The following COP1 variants were observed in gnomAD, a reference collection of about 807,000 sequenced individuals.
COP1 encodes COP1 E3 ubiquitin ligase.
COP1 carries 24 observed loss-of-function variants against 101.3 expected under a neutral mutation model. The observed-to-expected ratio is 0.24, with a 90% CI of 0.17 to 0.33. COP1 has a LOEUF of 0.33. Ranked by LOEUF, COP1 falls within the 10% of genes least tolerant of loss-of-function variation. COP1 has a pLI of 1.00. For synonymous variants in COP1, 347 were observed against 341.9 expected (o/e 1.01, Z -0.17); for missense variants, 663 against 906.2 (o/e 0.73, Z 3.45).
intron 5 of COP1, among the ~76,000 whole-genome samples, chr1:176,153,343 C>G (rs576503742): frequency 6.6e-6 from 1 of 152,286 alleles, no homozygotes; most frequent in South Asian, 2.1e-4. Context: ...GTGGATGACT[C>G]TAAAGACTAG....
chr1:176,088,707 T>C (rs1178958247), intron 9 of COP1, among the ~76,000 whole-genome samples: 1 of 152,080 alleles, frequency 6.6e-6, no homozygotes, highest in African/African-American at 2.4e-5. Context: ...GTAAGAAATA[T>C]CTATTTGGCC....
At chr1:175,953,298 A>G (rs1237916805) in intron 18 of COP1, among the ~76,000 whole-genome samples, 13 of 151,980 alleles carry the variant, frequency 8.6e-5, no homozygotes, top group Admixed American at 8.5e-4. Context: ...CTCAAAAAAA[A>G]GAAAGGAAAT....
intron 1 of COP1, among the ~76,000 whole-genome samples, chr1:176,194,523 A>C (rs1397548325): frequency 2.0e-5 from 3 of 152,116 alleles, no homozygotes; most frequent in Non-Finnish European, 4.4e-5. Flanking sequence ...CTATAATCCC[A>C]GCTACTAGGG....
chr1:176,189,781 C>A (rs899762194), intron 1 of COP1, among the ~76,000 whole-genome samples: 2 of 150,412 alleles, frequency 1.3e-5, no homozygotes, highest in Non-Finnish European at 3.0e-5. Context: ...TGAAAGCAAG[C>A]CAGAAAAATA....
intron 8 of COP1, among the ~76,000 whole-genome samples, chr1:176,124,985 T>C (rs961982276): frequency 6.6e-5 from 10 of 152,222 alleles, no homozygotes; most frequent in Non-Finnish European, 4.4e-5. Context: ...TGATATTTCA[T>C]TGTAGTTGTG....
At chr1:175,979,161 T>C (rs1019418557) in intron 18 of COP1, among the ~76,000 whole-genome samples, 5 of 152,098 alleles carry the variant, frequency 3.3e-5, no homozygotes, top group African/African-American at 1.2e-4. Context: ...TGGGGAACTT[T>C]TCAAAATACA....
At chr1:176,045,348 G>A (rs559351954) in intron 12 of COP1, among the ~76,000 whole-genome samples, 8 of 151,832 alleles carry the variant, frequency 5.3e-5, no homozygotes, top group Admixed American at 2.0e-4. Flanking sequence ...ACCAATTATC[G>A]ATATAGTATT....
At chr1:176,121,064 C>T (rs989659461) in intron 8 of COP1, among the ~76,000 whole-genome samples, 9 of 151,562 alleles carry the variant, frequency 5.9e-5, no homozygotes, top group South Asian at 2.1e-4. Flanking sequence ...TTGCTATAAA[C>T]GTAAAAGAGA....
chr1:176,080,902 A>C (rs1196520624), intron 11 of COP1, among the ~76,000 whole-genome samples: 1 of 152,176 alleles, frequency 6.6e-6, no homozygotes, highest in Non-Finnish European at 1.5e-5. Context: ...TACTGTCATC[A>C]AAACTAGACA....
chr1:176,006,970 T>G (rs550506518), intron 15 of COP1, among the ~76,000 whole-genome samples: 1 of 152,038 alleles, frequency 6.6e-6, no homozygotes, highest in Admixed American at 6.6e-5. Context: ...ATTCTCCCCA[T>G]CACTTTCAGG....
chr1:175,999,551 G>A (rs1344208476), intron 15 of COP1, among the ~76,000 whole-genome samples: 1 of 151,858 alleles, frequency 6.6e-6, no homozygotes, highest in Non-Finnish European at 1.5e-5. Context: ...TGGCTACTGC[G>A]AACAGTGCCG....
intron 1 of COP1, among the ~76,000 whole-genome samples, chr1:176,191,010 A>G (rs1277716072): frequency 6.6e-6 from 1 of 152,060 alleles, no homozygotes. Context: ...TCACATAAAC[A>G]GGACTGCAGA....
At position 176,124,497 on chromosome 1, in the gene COP1, C is replaced by A. The variant is rs190658419; in HGVS notation, c.969-7816G>T. On this transcript the variant is annotated intron_variant, in intron 8 of 19. Coordinates refer to ENST00000367669, the MANE Select transcript of COP1 (RefSeq NM_022457.7). ...CACGAGTTCAATTGATTTTTAGATCCCACAAATAAGTGAAAACATGTGTTG... is the reference window on the plus strand; with the variant it reads ...CACGAGTTCAATTGATTTTTAGATCACACAAATAAGTGAAAACATGTGTTG... 2.6e-4 allele frequency among the ~76,000 whole-genome samples: 40 copies of A among 151,558 alleles called. 2 individuals carry two copies. The East Asian group carries it at 7.6e-3, about 29-fold the overall frequency.
At chr1:175,958,440 T>G (rs1650941137) in intron 18 of COP1, among the ~76,000 whole-genome samples, 2 of 151,968 alleles carry the variant, frequency 1.3e-5, no homozygotes. Flanking sequence ...GGCACTGAAT[T>G]ATCAAAAAGA....
At chr1:176,026,847 TTA>T (rs1384907376) in intron 15 of COP1, among the ~76,000 whole-genome samples, 22 of 152,184 alleles carry the variant, frequency 1.4e-4, no homozygotes, top group African/African-American at 5.3e-4. Context: ...ATTTACTATT[TTA>T]GTAAATATTC....
chr1:176,083,845 A>AT (rs1360043323), intron 10 of COP1, among the ~76,000 whole-genome samples: 1 of 152,182 alleles, frequency 6.6e-6, no homozygotes, highest in Non-Finnish European at 1.5e-5. Flanking sequence ...CAGCAATACA[A>AT]TTAGAGTAGC....
chr1:175,960,240 G>T (rs1010173840), intron 18 of COP1, among the ~76,000 whole-genome samples: 1 of 152,112 alleles, frequency 6.6e-6, no homozygotes, highest in African/African-American at 2.4e-5. Context: ...AAATGTCTTT[G>T]GAGTCTGAAA....
chr1:175,974,445 A>C (rs1027733137), intron 18 of COP1, among the ~76,000 whole-genome samples: 1 of 152,212 alleles, frequency 6.6e-6, no homozygotes, highest in Non-Finnish European at 1.5e-5. Context: ...TAGCAACTCC[A>C]AAAATTACAG....
At chr1:176,172,411 C>T (rs760761375) in intron 3 of COP1, among the ~76,000 whole-genome samples, 6 of 152,118 alleles carry the variant, frequency 3.9e-5, no homozygotes, top group Admixed American at 6.5e-5. Flanking sequence ...AAAATATGCA[C>T]GGATCATCAC....
Sources: allele counts gnomAD v4.1 joint callset (sites outside exome capture counted in the v4.1 genomes callset), GRCh38; gene constraint gnomAD v4.1.1; transcripts MANE v1.5; gene names NCBI Gene and HGNC (gene_info 2026-07-23, HGNC 2026-07-21).